The following CCDC88A variants were observed in gnomAD, a reference collection of about 807,000 sequenced individuals.
CCDC88A encodes coiled-coil and HOOK domain protein 88A.
CCDC88A carries 54 observed loss-of-function variants against 234.3 expected under a neutral mutation model. The ratio of observed to expected loss-of-function variants is 0.23; its 90% confidence interval spans 0.19 to 0.29. The LOEUF (loss-of-function observed/expected upper bound fraction) is 0.29. Among genes scored for constraint, CCDC88A ranks in the 10% least tolerant of loss-of-function variants. The pLI is 1.00. For synonymous variants in CCDC88A, 753 were observed against 737.8 expected (o/e 1.02, Z -0.33); for missense variants, 1,832 against 2,123.4 (o/e 0.86, Z 2.70).
intron 7 of CCDC88A, chr2:55,356,508 G>C (rs1670602394): frequency 1.4e-5 from 2 of 142,780 alleles, no homozygotes; most frequent in South Asian, 4.2e-4. Context: ...GCCAGTGTTG[G>C]AAAGGCATAA....
In CCDC88A at chr2:55,355,707, T is replaced by C; in HGVS notation, c.672A>G (p.Leu224=). 6.2e-7 allele frequency: 1 copy of C among 1,613,842 alleles called. No homozygotes were observed. Among genetic ancestry groups the C allele is most frequent in the African/African-American group, 1.3e-5 (1 of 75,024 alleles). The change falls in exon 8 of 33, where the codon CTA becomes CTG. Residue 224 remains leucine, a synonymous_variant. Coordinates refer to ENST00000436346, the MANE Select transcript of CCDC88A (RefSeq NM_001365480.1). ...ACTGTGCAGATGAAGAGGCATGGGG[T>C]AGAAAATGGAGACCATCCCGCTCTT... ...LSEERDGLHF[L]PHASSSAQSP...
intron 7 of CCDC88A, among the ~76,000 whole-genome samples, chr2:55,361,651 A>G (rs1671335858): frequency 1.3e-5 from 2 of 152,218 alleles, no homozygotes; most frequent in Admixed American, 6.5e-5. Flanking sequence ...ATTCTGCAGA[A>G]TGGCAGAGTA....
chr2:55,383,148 C>T (rs1674882112), intron 3 of CCDC88A, among the ~76,000 whole-genome samples: 2 of 151,596 alleles, frequency 1.3e-5, no homozygotes, highest in Non-Finnish European at 2.9e-5. Context: ...TGAAATAATC[C>T]TCCCTCCAAC....
chr2:55,302,339 A>G (rs1054125924), intron 26 of CCDC88A, among the ~76,000 whole-genome samples: 1 of 152,230 alleles, frequency 6.6e-6, no homozygotes, highest in Non-Finnish European at 1.5e-5. Context: ...TACGACTGCC[A>G]TGCGATTGTG....
At chr2:55,340,286 A>G (rs1668315632) in intron 12 of CCDC88A, 1 of 152,228 alleles carries the variant, frequency 6.6e-6, no homozygotes, top group African/African-American at 2.4e-5. Flanking sequence ...CAAGAAAGGA[A>G]ATGAATAAAG....
intron 5 of CCDC88A, among the ~76,000 whole-genome samples, chr2:55,369,160 G>A (rs943865664): frequency 1.4e-4 from 22 of 151,744 alleles, no homozygotes; most frequent in African/African-American, 5.1e-4. Context: ...TCAACTTCCC[G>A]AGTAGCTGGG....
chr2:55,320,122 T>C (rs1034733143), intron 18 of CCDC88A, among the ~76,000 whole-genome samples: 1 of 151,926 alleles, frequency 6.6e-6, no homozygotes, highest in Admixed American at 6.6e-5. Flanking sequence ...TTTGTTCAAA[T>C]AGAAAGGATG....
chr2:55,301,822 T>C, intron 27 of CCDC88A, 50 bp downstream of exon 27: 2 of 1,506,780 alleles, frequency 1.3e-6, no homozygotes, highest in Non-Finnish European at 1.8e-6. Context: ...CAAATTAAAA[T>C]TCTTGTTGCC....
At chr2:55,304,232 A>G (rs940557205) in intron 25 of CCDC88A, among the ~76,000 whole-genome samples, 1 of 152,222 alleles carries the variant, frequency 6.6e-6, no homozygotes, top group African/African-American at 2.4e-5. Flanking sequence ...CAGGAGTTCA[A>G]GGCTATAGTG....
At chr2:55,375,965 T>C (rs980451508) in intron 3 of CCDC88A, among the ~76,000 whole-genome samples, 2 of 152,198 alleles carry the variant, frequency 1.3e-5, no homozygotes, top group Non-Finnish European at 2.9e-5. Flanking sequence ...AGTGAAACAT[T>C]ATTTCTCTCC....
At chr2:55,394,713 A>T (rs1677222379) in intron 2 of CCDC88A, 1 of 150,964 alleles carries the variant, frequency 6.6e-6, no homozygotes, top group Admixed American at 6.6e-5. Flanking sequence ...ATGCTAAATG[A>T]TGAGTTAATG....
At chr2:55,347,463 T>G (rs945006210) in intron 9 of CCDC88A, among the ~76,000 whole-genome samples, 4 of 152,146 alleles carry the variant, frequency 2.6e-5, no homozygotes, top group African/African-American at 9.7e-5. Flanking sequence ...GAAACAGCTA[T>G]GAGAATATAG....
chr2:55,387,772 T>A, intron 3 of CCDC88A, among the ~76,000 whole-genome samples: 3 of 98,426 alleles, frequency 3.0e-5, no homozygotes, highest in South Asian at 3.3e-4. Context: ...ACAGTGAGGC[T>A]CCATCTCAAA....
intron 2 of CCDC88A, among the ~76,000 whole-genome samples, chr2:55,409,086 C>A (rs1408094561): frequency 2.6e-5 from 4 of 152,222 alleles, no homozygotes; most frequent in African/African-American, 9.6e-5. Context: ...GGCTCAACTA[C>A]AAATGTGTGG....
intron 5 of CCDC88A, among the ~76,000 whole-genome samples, chr2:55,371,722 G>A (rs952612684): frequency 6.6e-6 from 1 of 152,144 alleles, no homozygotes; most frequent in African/African-American, 2.4e-5. Context: ...CTGGCCTCAA[G>A]TGATCCTCCC....
At position 55,334,370 on chromosome 2, in the gene CCDC88A, A is replaced by C. The variant is rs1476935495; in HGVS notation, c.2451T>G (p.Asn817Lys). Residue 817 changes from asparagine to lysine, a missense_variant, in exon 15 of 33, where the codon AAT (asparagine) becomes AAG (lysine). Physicochemically the swap from Asn to Lys is moderately conservative, Grantham distance 94. Transcript: ENST00000436346. This position sits in a 1 kb window ranked among gnomAD's most constrained non-coding sequence, Gnocchi z 6.1. ...SKRLEQLEKE[N>K]KSLEQETSQL... Reference sequence around the variant, plus strand: ...GAGAAGTCTCTTGCTCTAATGATTTATTTTCTTTTTCCAGCTGTTCTAGTC... The same window carrying C: ...GAGAAGTCTCTTGCTCTAATGATTTCTTTTCTTTTTCCAGCTGTTCTAGTC... 1 of 1,562,882 alleles carries C rather than the reference A, an allele frequency of 6.4e-7. No individual in the cohort carries two copies. Among genetic ancestry groups the C allele is most frequent in the Non-Finnish European group, 8.6e-7 (1 of 1,164,414 alleles).
intron 2 of CCDC88A, 51 bp downstream of exon 2, chr2:55,418,765 A>C (rs1330210703): frequency 1.4e-6 from 2 of 1,389,200 alleles, no homozygotes; most frequent in Admixed American, 3.4e-5. Context: ...AAAGTTCACC[A>C]TATGCTATTT....
chr2:55,315,667 AT>A (rs1272804789), intron 22 of CCDC88A: 5 of 256,046 alleles, frequency 2.0e-5, no homozygotes, highest in Non-Finnish European at 3.6e-5. Context: ...AGGTGTAAAC[AT>A]TTTTTCATTA....
At chr2:55,314,104 C>T (rs1232803156) in intron 22 of CCDC88A, 1 of 152,222 alleles carries the variant, frequency 6.6e-6, no homozygotes, top group Non-Finnish European at 1.5e-5. Flanking sequence ...TGGACTTCCA[C>T]TCAGACTCTC....
Sources: gnomAD v4.1 joint callset for allele counts (sites outside exome capture counted in the v4.1 genomes callset) on GRCh38, gnomAD v4.1.1 for gene constraint, Gnocchi (gnomAD v3.1) non-coding constraint, MANE v1.5 for transcripts, NCBI Gene and HGNC (gene_info 2026-07-23, HGNC 2026-07-21) for gene names.